Variants in MPPED1 observed in about 807,000 individuals in gnomAD.
MPPED1 encodes metallophosphoesterase domain containing 1.
MPPED1 carries 16 observed loss-of-function variants against 36.2 expected under a neutral mutation model. The ratio of observed to expected loss-of-function variants is 0.44; its 90% confidence interval spans 0.30 to 0.67. MPPED1 has a LOEUF of 0.67. Ranked by LOEUF, MPPED1 falls within the 30% of genes least tolerant of loss-of-function variation. The pLI, the probability that MPPED1 is intolerant of heterozygous loss-of-function variation, is 0.10. For missense variants in MPPED1, 307 were observed against 453.4 expected, an observed-to-expected ratio of 0.68 and a Z score of 2.93; for synonymous variants, 199 against 191.3, an observed-to-expected ratio of 1.04 and a Z score of -0.33.
intron 4 of MPPED1, among the ~76,000 whole-genome samples, chr22:43,488,429 C>T (rs541160721): frequency 3.3e-5 from 5 of 152,332 alleles, no homozygotes; most frequent in East Asian, 1.9e-4. Flanking sequence ...AGTGTCTCCC[C>T]GCTTCCCTGT....
chr22:43,444,279 GGTGTGTGTGTGTGTGTGTGT>G (rs35340638), intron 3 of MPPED1, among the ~76,000 whole-genome samples: 51 of 142,012 alleles, frequency 3.6e-4, no homozygotes, highest in Non-Finnish European at 5.9e-4. Context: ...GACCCACTGG[GGTGTGTGTGTGTGTGTGTGT>G]GTGTGTGTGT....
At chr22:43,456,721 C>T (rs954769740) in intron 3 of MPPED1, among the ~76,000 whole-genome samples, 3 of 152,206 alleles carry the variant, frequency 2.0e-5, no homozygotes, top group Admixed American at 6.5e-5. Flanking sequence ...GTCTTGAACT[C>T]CTGGCCTCAA....
In MPPED1 at chr22:43,446,124, G is replaced by A. The variant is rs540060954; in HGVS notation, c.406+10909G>A. Among the ~76,000 whole-genome samples, 24 of 152,224 alleles carry A rather than the reference G, an allele frequency of 1.6e-4. No homozygotes were observed. In the East Asian group the frequency reaches 4.2e-3, roughly 27 times the overall value. ...GGGCTCAAGCGATCTGCCTGCCTTG[G>A]CCTCCCAAAGTGCTGGGATTACAGG... On this transcript the variant is annotated intron_variant, in intron 3 of 6. Transcript: ENST00000443721.
At chr22:43,417,762 T>G (rs1280784694) in intron 1 of MPPED1, 1 of 239,128 alleles carries the variant, frequency 4.2e-6, no homozygotes, top group Non-Finnish European at 8.4e-6. Flanking sequence ...GCTTTTTCTC[T>G]GCATCGCCCT....
intron 3 of MPPED1, among the ~76,000 whole-genome samples, chr22:43,441,346 C>G (rs550098111): frequency 6.6e-6 from 1 of 152,298 alleles, no homozygotes; most frequent in South Asian, 2.1e-4. Flanking sequence ...CCCACTGTCC[C>G]CTCTGCCCAC....
intron 1 of MPPED1, among the ~76,000 whole-genome samples, chr22:43,423,998 C>T (rs1351492610): frequency 6.6e-6 from 1 of 152,164 alleles, no homozygotes; most frequent in Non-Finnish European, 1.5e-5. Flanking sequence ...GATGGGGCCT[C>T]ACCTGGGGCC....
intron 3 of MPPED1, among the ~76,000 whole-genome samples, chr22:43,465,079 T>C (rs769640119): frequency 6.6e-5 from 10 of 152,186 alleles, no homozygotes; most frequent in Non-Finnish European, 1.2e-4. Context: ...AGGACCTTTA[T>C]GTCACGTCTT....
rs751177910 is a variant in MPPED1 at position 43,435,235 on chromosome 22, G to A, written c.406+20G>A. Reference sequence around the variant, plus strand: ...GGCTGGGTAGGTCCCTCCTGCCCCGGGCGGGCGGCTGTGCTGAGCAGGAAG... The same window carrying A: ...GGCTGGGTAGGTCCCTCCTGCCCCGAGCGGGCGGCTGTGCTGAGCAGGAAG... On this transcript the variant is annotated intron_variant, in intron 3 of 6. Transcript: ENST00000443721. The A allele has an allele frequency of 1.3e-6, 2 of 1,593,742 alleles. No individual in the cohort carries two copies. Among genetic ancestry groups the A allele is most frequent in the East Asian group, 4.5e-5 (2 of 44,550 alleles).
chr22:43,483,189 A>C (rs910029315), intron 4 of MPPED1, among the ~76,000 whole-genome samples: 7 of 152,258 alleles, frequency 4.6e-5, no homozygotes, highest in Non-Finnish European at 1.0e-4. Flanking sequence ...TGATAAATAT[A>C]TATTTTAGAG....
At chr22:43,456,678 A>G (rs1188350001) in intron 3 of MPPED1, among the ~76,000 whole-genome samples, 1 of 152,034 alleles carries the variant, frequency 6.6e-6, no homozygotes, top group African/African-American at 2.4e-5. Context: ...TTTTTTTAGT[A>G]GAGACAGAGT....
At position 43,425,067 on chromosome 22, in the gene MPPED1, T is replaced by C; in HGVS notation, c.82T>C (p.Ser28Pro). ...LLPCGLGMAF[S>P]QSHVMAARRH... ...CCCCTGCGGCCTGGGCATGGCATTC[T>C]CCCAGTCCCACGTGATGGCCGCTCG... Residue 28 changes from serine to proline, a missense_variant, in exon 2 of 7, where the codon TCC becomes CCC. Transcript: ENST00000443721. 1 of 1,613,512 alleles carries C rather than the reference T, an allele frequency of 6.2e-7. No individual in the cohort carries two copies.
At chr22:43,450,186 C>T (rs1173265149) in intron 3 of MPPED1, among the ~76,000 whole-genome samples, 2 of 152,202 alleles carry the variant, frequency 1.3e-5, no homozygotes, top group Non-Finnish European at 2.9e-5. Context: ...ATCTGGGTTT[C>T]AGAGGGAGCC....
At chr22:43,496,260 AGGTAGTGGTGGTGGAGAT>A (rs1569089483) in intron 4 of MPPED1, among the ~76,000 whole-genome samples, 54 of 41,500 alleles carry the variant, frequency 1.3e-3, no homozygotes, top group Non-Finnish European at 1.7e-3. Flanking sequence ...GTGGTGGTGG[AGGTAGTGGTGGTGGAGAT>A]GGTGGTGGTG....
Position 43,474,898 on chromosome 22 carries a change from A to G in MPPED1, c.569A>G (p.Asn190Ser), listed in dbSNP as rs376031251. The G allele has an allele frequency of 8.7e-6, 14 of 1,613,740 alleles. No individual in the cohort carries two copies. The highest frequency in any genetic ancestry group is 3.3e-4 in the Middle Eastern group (2 of 6,084). The change falls in exon 4 of 7, where the codon AAC becomes AGC. Residue 190 changes from asparagine to serine, a missense_variant. Transcript: ENST00000443721. This position sits in a 1 kb window ranked among gnomAD's most constrained non-coding sequence, Gnocchi z 5.2. Reference protein sequence around the residue: ...NYENVQSLLTNCIYLQDSEVT... With the variant: ...NYENVQSLLTSCIYLQDSEVT... ...GAGAATGTGCAGTCGCTGCTGACCA[A>G]CTGCATCTACCTTCAGGACTCGGAG...
chr22:43,489,346 T>C (rs1334698406), intron 4 of MPPED1, among the ~76,000 whole-genome samples: 4 of 152,056 alleles, frequency 2.6e-5, no homozygotes, highest in Non-Finnish European at 5.9e-5. Flanking sequence ...CAGAGGCCTC[T>C]AGGAGTGAGA....
chr22:43,476,394 G>T (rs1931578262), intron 4 of MPPED1, among the ~76,000 whole-genome samples: 1 of 152,138 alleles, frequency 6.6e-6, no homozygotes, highest in African/African-American at 2.4e-5. Context: ...TCACAGGCAG[G>T]GAGGAGTAAC....
chr22:43,432,784 G>T (rs111213338), intron 2 of MPPED1, among the ~76,000 whole-genome samples: 3 of 103,864 alleles, frequency 2.9e-5, no homozygotes, highest in Admixed American at 1.0e-4. Flanking sequence ...GAGAGAGAGA[G>T]AAAGGGAGGA....
chr22:43,445,129 T>A (rs1341764575), intron 3 of MPPED1, among the ~76,000 whole-genome samples: 1 of 152,216 alleles, frequency 6.6e-6, no homozygotes, highest in Non-Finnish European at 1.5e-5. Flanking sequence ...CTCTGTAGCA[T>A]GTTTGACATC....
chr22:43,413,788 A>G (rs886868143), intron 1 of MPPED1, among the ~76,000 whole-genome samples: 1 of 152,234 alleles, frequency 6.6e-6, no homozygotes, highest in Non-Finnish European at 1.5e-5. Context: ...CACTGGAGGT[A>G]CATTAATTGG....
Sources: gnomAD v4.1 joint callset for allele counts (sites outside exome capture counted in the v4.1 genomes callset) on GRCh38, gnomAD v4.1.1 for gene constraint, Gnocchi (gnomAD v3.1) non-coding constraint, MANE v1.5 for transcripts, NCBI Gene and HGNC (gene_info 2026-07-23, HGNC 2026-07-21) for gene names.